GRID1: variants seen among roughly 807,000 people sequenced by gnomAD.
GRID1 encodes glutamate ionotropic receptor delta type subunit 1.
GRID1 carries 28 observed loss-of-function variants against 98.0 expected under a neutral mutation model. The ratio of observed to expected loss-of-function variants is 0.29; its 90% confidence interval spans 0.21 to 0.39. The LOEUF is 0.39. Ranked by LOEUF, GRID1 falls within the 10% of genes least tolerant of loss-of-function variation. The pLI is 1.00. For synonymous variants in GRID1, 553 were observed against 538.5 expected, an observed-to-expected ratio of 1.03 and a Z score of -0.37; for missense variants, 1,111 against 1,340.5, an observed-to-expected ratio of 0.83 and a Z score of 2.67.
intron 2 of GRID1, among the ~76,000 whole-genome samples, chr10:86,222,856 T>G (rs1846279651): frequency 6.6e-6 from 1 of 152,056 alleles, no homozygotes; most frequent in African/African-American, 2.4e-5. Context: ...ACAAGGGCAC[T>G]AGGGCCACAG....
chr10:85,736,636 C>A (rs1167509526), intron 8 of GRID1, among the ~76,000 whole-genome samples: 2 of 152,080 alleles, frequency 1.3e-5, no homozygotes, highest in African/African-American at 4.8e-5. Context: ...TTTTCTAAAA[C>A]AATAAGTCAT....
At chr10:85,808,970 G>T (rs899295343) in intron 8 of GRID1, among the ~76,000 whole-genome samples, 2 of 152,016 alleles carry the variant, frequency 1.3e-5, no homozygotes, top group African/African-American at 4.8e-5. Context: ...TATTATGCTT[G>T]TATGTCAAAG....
At chr10:86,144,490 A>T (rs2131975901) in intron 3 of GRID1, among the ~76,000 whole-genome samples, 1 of 152,216 alleles carries the variant, frequency 6.6e-6, no homozygotes. Flanking sequence ...CCGCCTCCAC[A>T]CCAGCTTTCT....
At chr10:85,917,155 C>T (rs1841632154) in intron 4 of GRID1, among the ~76,000 whole-genome samples, 2 of 152,166 alleles carry the variant, frequency 1.3e-5, no homozygotes, top group Non-Finnish European at 2.9e-5. Context: ...CCAAGCATGT[C>T]CTGTATGAAT....
Position 86,051,936 on chromosome 10 carries a change from G to GGATTTGCATAAAATCCATTTT in GRID1, c.726+86882_726+86883insAAAATGGATTTTATGCAAATC, listed in dbSNP as rs1843508111. Among the ~76,000 whole-genome samples, 3 of 152,282 alleles carry GGATTTGCATAAAATCCATTTT rather than the reference G, an allele frequency of 2.0e-5. No individual in the cohort carries two copies. In the East Asian group the frequency reaches 5.8e-4, roughly 29 times the overall value. On this transcript the variant is annotated intron_variant, in intron 4 of 15. Coordinates refer to ENST00000327946, the MANE Select transcript of GRID1 (RefSeq NM_017551.3). ...TTTCACTCTGCAATTCCATTTTTATGTATTTATCTTTATAGATACACTTGC... is the reference window on the plus strand; with the variant it reads ...TTTCACTCTGCAATTCCATTTTTATGGATTTGCATAAAATCCATTTTTATTTATCTTTATAGATACACTTGC...
intron 4 of GRID1, among the ~76,000 whole-genome samples, chr10:86,094,280 C>T (rs573191063): frequency 5.6e-4 from 85 of 152,298 alleles, no homozygotes; most frequent in Middle Eastern, 3.4e-3. Context: ...CCTCTGAGAA[C>T]TGGAACAAGA....
intron 12 of GRID1, among the ~76,000 whole-genome samples, chr10:85,719,217 A>G (rs1254814936): frequency 6.6e-6 from 1 of 152,190 alleles, no homozygotes; most frequent in Non-Finnish European, 1.5e-5. Context: ...TGTCAAAGCC[A>G]TTCAACAAGT....
chr10:86,264,836 G>A (rs1245315966), intron 2 of GRID1: 1 of 456,654 alleles, frequency 2.2e-6, no homozygotes, highest in East Asian at 7.0e-5. Flanking sequence ...GGTTGGCCCT[G>A]CAGACGAGGA....
At chr10:85,947,586 G>A (rs1022743379) in intron 4 of GRID1, among the ~76,000 whole-genome samples, 4 of 152,264 alleles carry the variant, frequency 2.6e-5, no homozygotes, top group Non-Finnish European at 4.4e-5. Context: ...GGAGAGTGTC[G>A]TGACTCTGCA....
At chr10:86,008,438 T>C (rs1395358054) in intron 4 of GRID1, among the ~76,000 whole-genome samples, 4 of 152,152 alleles carry the variant, frequency 2.6e-5, no homozygotes. Flanking sequence ...TAACTTGTGT[T>C]TATCAATGAA....
intron 2 of GRID1, among the ~76,000 whole-genome samples, chr10:86,317,280 T>C (rs934217336): frequency 1.3e-5 from 2 of 152,084 alleles, no homozygotes; most frequent in Non-Finnish European, 2.9e-5. Context: ...AGGCCGCACC[T>C]CCAGGCCTGG....
chr10:86,349,934 G>C (rs531111788), intron 2 of GRID1, among the ~76,000 whole-genome samples: 1 of 152,196 alleles, frequency 6.6e-6, no homozygotes, highest in Non-Finnish European at 1.5e-5. Flanking sequence ...CATTGCCGAC[G>C]AGGACGCCTA....
intron 2 of GRID1, among the ~76,000 whole-genome samples, chr10:86,292,086 G>A (rs1428806216): frequency 6.6e-6 from 1 of 152,200 alleles, no homozygotes; most frequent in Non-Finnish European, 1.5e-5. Flanking sequence ...GGTCAGGGAA[G>A]CCCCTCCACA....
At chr10:85,942,799 T>C (rs569114495) in intron 4 of GRID1, among the ~76,000 whole-genome samples, 31 of 152,296 alleles carry the variant, frequency 2.0e-4, no homozygotes, top group African/African-American at 7.5e-4. Flanking sequence ...GGAGAGGAAG[T>C]GAGGCATAGA....
At chr10:85,611,111 C>T (rs1842727861) in intron 15 of GRID1, among the ~76,000 whole-genome samples, 1 of 152,184 alleles carries the variant, frequency 6.6e-6, no homozygotes, top group Non-Finnish European at 1.5e-5. Context: ...GCTAGGTTAT[C>T]CCTTGGTCTC....
chr10:85,706,517 G>T (rs61858668), intron 12 of GRID1, among the ~76,000 whole-genome samples: 1 of 152,126 alleles, frequency 6.6e-6, no homozygotes, highest in African/African-American at 2.4e-5. Flanking sequence ...AATCAATATC[G>T]TGAAAATGGC....
chr10:86,035,809 T>C (rs74831408), intron 4 of GRID1, among the ~76,000 whole-genome samples: 1 of 151,990 alleles, frequency 6.6e-6, no homozygotes, highest in African/African-American at 2.4e-5. Context: ...TAATAATAAA[T>C]AGATATAAGG....
intron 6 of GRID1, among the ~76,000 whole-genome samples, chr10:85,866,678 G>A (rs549666388): frequency 5.3e-5 from 8 of 152,018 alleles, no homozygotes; most frequent in African/African-American, 7.2e-5. Context: ...TATGTTCTCC[G>A]ATTTAATTTT....
intron 8 of GRID1, among the ~76,000 whole-genome samples, chr10:85,779,294 C>A (rs1420073172): frequency 6.6e-6 from 1 of 152,128 alleles, no homozygotes; most frequent in African/African-American, 2.4e-5. Flanking sequence ...AATTTTTGTT[C>A]CCCTGCTTCA....
Sources: gnomAD v4.1 joint callset for allele counts (sites outside exome capture counted in the v4.1 genomes callset) on GRCh38, gnomAD v4.1.1 for gene constraint, MANE v1.5 for transcripts, NCBI Gene and HGNC (gene_info 2026-07-23, HGNC 2026-07-21) for gene names.